FCGR2A: variants seen among roughly 807,000 people sequenced by gnomAD.
FCGR2A encodes low affinity immunoglobulin gamma Fc region receptor II-a.
Under a neutral mutation model 29.3 loss-of-function variants are expected in FCGR2A, and 18 were observed. That is an observed-to-expected ratio of 0.62 (90% CI 0.43 to 0.91). The LOEUF (loss-of-function observed/expected upper bound fraction) is 0.91. Ranked by LOEUF, FCGR2A falls within the 40% of genes least tolerant of loss-of-function variation. The probability of loss-of-function intolerance (pLI) is 0.00; values close to 1 mark genes in which losing one functional copy is unlikely to be tolerated. For missense variants in FCGR2A, 287 were observed against 393.0 expected (o/e 0.73, Z 2.28); for synonymous variants, 126 against 144.8 (o/e 0.87, Z 0.93).
chr1:161,512,875 A>T (rs1007493804), intron 5 of FCGR2A, among the ~76,000 whole-genome samples: 1 of 152,262 alleles, frequency 6.6e-6, no homozygotes, highest in Non-Finnish European at 1.5e-5. Flanking sequence ...TGGAAAATAC[A>T]AAGTCCAAGC....
At chr1:161,509,700 G>T (rs181330030) in intron 3 of FCGR2A, 120 bp from the exon 4 acceptor site, 3 of 1,299,170 alleles carry the variant, frequency 2.3e-6, no homozygotes, top group Non-Finnish European at 3.3e-6. Context: ...CTGTCATGAA[G>T]CATCTTCATT....
intron 4 of FCGR2A, 122 bp from the exon 5 acceptor site, chr1:161,510,712 A>G: frequency 7.8e-7 from 1 of 1,290,230 alleles, no homozygotes; most frequent in Non-Finnish European, 1.1e-6. Flanking sequence ...TCAGACACAG[A>G]AGAGCTTCAG....
chr1:161,510,099 G>A lies in FCGR2A; in HGVS notation c.619+25G>A, dbSNP rs567744828. On this transcript the variant is annotated intron_variant, in intron 4 of 6. Transcript: ENST00000271450. ...GGTATGGGGAGTCTGCCAAGATGTA[G>A]GGAGGGGAGAAGAGGGGATGGACAA... 113 of 1,612,000 alleles carry A rather than the reference G, an allele frequency of 7.0e-5. No homozygotes were observed. The South Asian group carries it at 7.3e-4, about 10-fold the overall frequency.
In FCGR2A at chr1:161,505,978, C is replaced by G. The variant is rs779732371; in HGVS notation, c.86-9C>G. On this transcript the variant is annotated splice_polypyrimidine_tract_variant and intron_variant, in intron 1 of 6. Transcript: ENST00000271450. ...GCTCGACGTTGATCCACTCTCTTCT[C>G]TTTTACAGCTTCTGCAGACAGTCAA... 43 of 1,613,976 alleles carry G rather than the reference C, an allele frequency of 2.7e-5. No individual in the cohort carries two copies. The Admixed American group carries it at 7.2e-4, about 27-fold the overall frequency.
chr1:161,505,896 C>A, intron 1 of FCGR2A, 91 bp from the exon 2 acceptor site: 2 of 1,301,530 alleles, frequency 1.5e-6, no homozygotes, highest in East Asian at 2.3e-5. Flanking sequence ...AGGAAGAGCC[C>A]AAGCTCACCT....
chr1:161,513,244 A>C (rs1191389137), intron 5 of FCGR2A: 2 of 150,790 alleles, frequency 1.3e-5, no homozygotes, highest in Non-Finnish European at 2.9e-5. Context: ...TGAGGCAATT[A>C]GGTGTGTTTT....
chr1:161,505,972 T>G lies in FCGR2A; in HGVS notation c.86-15T>G, dbSNP rs1203510411. On this transcript the variant is annotated splice_polypyrimidine_tract_variant and intron_variant, in intron 1 of 6. Transcript: ENST00000271450. ...TCTCCTGCTCGACGTTGATCCACTC[T>G]CTTCTCTTTTACAGCTTCTGCAGAC... 5 of 1,613,930 alleles carry G rather than the reference T, an allele frequency of 3.1e-6. No individual in the cohort carries two copies. In the African/African-American group the frequency reaches 5.3e-5, roughly 17 times the overall value.
rs1675975582 is a variant in FCGR2A, at chr1:161,513,886, T to C, written c.743-9T>C. 6.2e-7 allele frequency: 1 copy of C among 1,614,254 alleles called. No individual in the cohort carries two copies. Among genetic ancestry groups the C allele is most frequent in the African/African-American group, 1.3e-5 (1 of 75,056 alleles). On this transcript the variant is annotated splice_polypyrimidine_tract_variant and intron_variant, in intron 5 of 6. Transcript: ENST00000271450. ...GTGCCCTGGCTAATCTTTTTCTTTT[T>C]CCCCACAGCCAATTCCACTGATCCT...
intron 3 of FCGR2A, among the ~76,000 whole-genome samples, chr1:161,508,585 C>T (rs1675570700): frequency 8.2e-6 from 1 of 122,578 alleles, no homozygotes; most frequent in Non-Finnish European, 1.9e-5. Context: ...GAAACTCCAT[C>T]TCAAAAAAAA....
At position 161,510,142 on chromosome 1, in the gene FCGR2A, G is replaced by A. The variant is rs550128935; in HGVS notation, c.619+68G>A. On this transcript the variant is annotated intron_variant, in intron 4 of 6. Transcript: ENST00000271450. ...ATGGACAAGGGCTGAGGTCACATGG[G>A]CCTACATGGAGGTCTGAGAAAGCCC... 16 of 1,595,104 alleles carry A rather than the reference G, an allele frequency of 1.0e-5. No individual in the cohort carries two copies. The African/African-American group carries it at 1.9e-4, about 19-fold the overall frequency.
In FCGR2A at chr1:161,518,275, T is replaced by G; in HGVS notation, c.*127T>G. ...CTGAGCAAACAAAACCACCTGGCCC[T>G]TAGAAATAGCTTTAACTTTGCTTAA... On this transcript the variant is annotated 3_prime_UTR_variant, in exon 7 of 7. Transcript: ENST00000271450. The G allele has an allele frequency of 4.8e-6, 7 of 1,459,098 alleles. No individual in the cohort carries two copies. Among genetic ancestry groups the G allele is most frequent in the Non-Finnish European group, 6.4e-6 (7 of 1,089,408 alleles). The allele number at this position is 1,459,098 out of a possible 1,614,324, so 90.4% of individuals were successfully genotyped here. A position where few individuals can be genotyped will look rare whatever the true frequency, so the allele number is the denominator to read the frequency against.
At chr1:161,506,993 TG>T (rs1675459015) in intron 3 of FCGR2A, among the ~76,000 whole-genome samples, 1 of 151,934 alleles carries the variant, frequency 6.6e-6, no homozygotes, top group African/African-American at 2.4e-5. Context: ...CAGACAGGTG[TG>T]TGGAGGTGGG....
chr1:161,510,601 T>C (rs1052336304), intron 4 of FCGR2A, among the ~76,000 whole-genome samples: 10 of 152,098 alleles, frequency 6.6e-5, no homozygotes, highest in African/African-American at 2.2e-4. Context: ...CTTTCATTCA[T>C]TTGGTGGAGA....
chr1:161,512,560 A>T (rs1395477903), intron 5 of FCGR2A, among the ~76,000 whole-genome samples: 2 of 150,014 alleles, frequency 1.3e-5, no homozygotes, highest in African/African-American at 4.8e-5. Context: ...TCTGACATTC[A>T]GGTGGGAGTA....
At position 161,518,257 on chromosome 1, in the gene FCGR2A, A is replaced by T. The variant is rs1676265139; in HGVS notation, c.*109A>T. The T allele has an allele frequency of 6.5e-7, 1 of 1,527,760 alleles. No individual in the cohort carries two copies. Among genetic ancestry groups the T allele is most frequent in the Admixed American group, 2.2e-5 (1 of 46,000 alleles). The allele number at this position is 1,527,760 out of a possible 1,614,324, so 94.6% of individuals were successfully genotyped here. On this transcript the variant is annotated 3_prime_UTR_variant, in exon 7 of 7. Transcript: ENST00000271450. ...ATGGAGACTGGAAAAATCCTGAGCA[A>T]ACAAAACCACCTGGCCCTTAGAAAT...
chr1:161,507,978 C>T (rs1282901957), intron 3 of FCGR2A, among the ~76,000 whole-genome samples: 2 of 146,518 alleles, frequency 1.4e-5, no homozygotes, highest in East Asian at 2.1e-4. Context: ...CCCAGCTACT[C>T]GGGAGACTGA....
Position 161,518,173 on chromosome 1 carries a change from A to T in FCGR2A, c.*25A>T, listed in dbSNP as rs761744019. The T allele has an allele frequency of 6.2e-6, 10 of 1,607,698 alleles. No homozygotes were observed. The South Asian group carries it at 1.1e-4, about 18-fold the overall frequency. On this transcript the variant is annotated 3_prime_UTR_variant, in exon 7 of 7. Transcript: ENST00000271450. The stretch of plus-strand genomic sequence containing the variant: ...AAGAGTAACGTTATGCCATGTGGTC[A>T]TACTCTCAGCTTGCTGAGTGGATGA...
chr1:161,510,731 C>T, intron 4 of FCGR2A, 103 bp from the exon 5 acceptor site: 10 of 1,445,986 alleles, frequency 6.9e-6, no homozygotes, highest in Non-Finnish European at 9.5e-6. Flanking sequence ...AGGTGACAAG[C>T]ACTGGGACAT....
intron 2 of FCGR2A, 144 bp downstream of exon 2, chr1:161,506,151 G>A: frequency 4.8e-6 from 6 of 1,253,640 alleles, no homozygotes; most frequent in Non-Finnish European, 4.7e-6. Flanking sequence ...CATTTTAGTG[G>A]GGTCTGGGAT....
Sources: allele counts gnomAD v4.1 joint callset (sites outside exome capture counted in the v4.1 genomes callset), GRCh38; gene constraint gnomAD v4.1.1; transcripts MANE v1.5; gene names NCBI Gene and HGNC (gene_info 2026-07-23, HGNC 2026-07-21).